ARHGAP18: variants seen among roughly 807,000 people sequenced by gnomAD.
The protein encoded by ARHGAP18 is rho GTPase-activating protein 18.
A neutral mutation model predicts 86.2 loss-of-function variants in ARHGAP18; 67 were observed. The ratio of observed to expected loss-of-function variants is 0.78; its 90% CI spans 0.64 to 0.95. The LOEUF (loss-of-function observed/expected upper bound fraction) is 0.95, where lower values mean the gene tolerates loss of function less well. Among genes scored for constraint, ARHGAP18 ranks in the 40% least tolerant of loss-of-function variants. The pLI is 0.00. For synonymous variants in ARHGAP18, 283 were observed against 280.4 expected (o/e 1.01, Z -0.09); for missense variants, 691 against 780.4 (o/e 0.89, Z 1.37).
chr6:129,633,948 T>C, intron 4 of ARHGAP18, 94 bp downstream of exon 4: 2 of 1,064,754 alleles, frequency 1.9e-6, no homozygotes, highest in Non-Finnish European at 2.7e-6. Flanking sequence ...AGAATTTGCT[T>C]ACTAGAATTG....
chr6:129,612,997 G>A (rs1224446292), intron 7 of ARHGAP18, among the ~76,000 whole-genome samples: 1 of 152,092 alleles, frequency 6.6e-6, no homozygotes, highest in African/African-American at 2.4e-5. Context: ...ACTTTGGGAG[G>A]GCGAGGCGGG....
intron 1 of ARHGAP18, among the ~76,000 whole-genome samples, chr6:129,681,185 C>T (rs1774319239): frequency 6.6e-6 from 1 of 152,224 alleles, no homozygotes; most frequent in Admixed American, 6.5e-5. Flanking sequence ...TCAAGTGATT[C>T]TCCTGCCTCA....
intron 1 of ARHGAP18, among the ~76,000 whole-genome samples, chr6:129,677,476 T>C (rs191561268): frequency 6.6e-6 from 1 of 152,348 alleles, no homozygotes; most frequent in Non-Finnish European, 1.5e-5. Context: ...CACTAACTTA[T>C]GGTTATGGGT....
intron 1 of ARHGAP18, among the ~76,000 whole-genome samples, chr6:129,651,335 A>C (rs1205409713): frequency 6.6e-6 from 1 of 152,230 alleles, no homozygotes; most frequent in Admixed American, 6.5e-5. Flanking sequence ...CTGTGGTTGC[A>C]TATGAGATTG....
Position 129,577,931 on chromosome 6 carries a change from T to A in ARHGAP18, c.*582A>T, listed in dbSNP as rs915355777. ...CTGAAAAAAAATGCAAATCACTTCC[T>A]GTGATACAGCAGGAAAAGGTGGAAT... On this transcript the variant is annotated 3_prime_UTR_variant, in exon 15 of 15. Transcript: ENST00000368149. The A allele has an allele frequency of 2.6e-5, 4 of 152,198 alleles. No individual in the cohort carries two copies. Among genetic ancestry groups the A allele is most frequent in the Non-Finnish European group, 4.4e-5 (3 of 68,028 alleles). 9.4% of individuals were successfully genotyped at this position (152,198 alleles called of 1,614,324 possible). A position where few individuals can be genotyped will look rare whatever the true frequency, so the allele number is the denominator to read the frequency against.
chr6:129,600,732 C>T lies in ARHGAP18; in HGVS notation c.1482G>A (p.Leu494=), dbSNP rs1788720575. Reference sequence around the variant, plus strand: ...CAAATTCTCGCTGTTCACTGGACTTCAATCCCAATGCATGACACATAAAGA... The same window carrying T: ...CAAATTCTCGCTGTTCACTGGACTTTAATCCCAATGCATGACACATAAAGA... ...PNLFMCHALG[L]KSSEQREFVM... is the part of the protein sequence containing the mutation. Residue 494 remains leucine, a synonymous_variant, in exon 11 of 15, where the codon TTG becomes TTA. Transcript: ENST00000368149. 1 of 1,613,648 alleles carries T rather than the reference C, an allele frequency of 6.2e-7. No homozygotes were observed. Among genetic ancestry groups the T allele is most frequent in the Non-Finnish European group, 8.5e-7 (1 of 1,179,818 alleles).
chr6:129,620,069 T>C (rs1474008751), intron 5 of ARHGAP18, among the ~76,000 whole-genome samples: 1 of 152,056 alleles, frequency 6.6e-6, no homozygotes, highest in African/African-American at 2.4e-5. Context: ...CTACTGCAGG[T>C]TGAGTACACC....
At chr6:129,706,619 G>C (rs9375657) in intron 1 of ARHGAP18, among the ~76,000 whole-genome samples, 19,116 of 152,176 alleles carry the variant, frequency 0.13, 1,511 homozygotes, top group African/African-American at 0.21. Flanking sequence ...GGGTGCAGTG[G>C]CTCATGCCTG....
intron 1 of ARHGAP18, among the ~76,000 whole-genome samples, chr6:129,673,960 TAC>T (rs1273617437): frequency 6.6e-6 from 1 of 151,978 alleles, no homozygotes; most frequent in Non-Finnish European, 1.5e-5. Context: ...GAGTAATACA[TAC>T]ACACACACAT....
At chr6:129,687,525 G>T (rs753482675) in intron 1 of ARHGAP18, among the ~76,000 whole-genome samples, 1 of 152,144 alleles carries the variant, frequency 6.6e-6, no homozygotes, top group South Asian at 2.1e-4. Flanking sequence ...TACTGAGGAC[G>T]CACCTTCATT....
At position 129,625,670 on chromosome 6, in the gene ARHGAP18, T is replaced by TTATATATTTA. The variant is rs1451320827; in HGVS notation, c.786+3682_786+3683insTAAATATATA. ...TATTTATATATTATATATATTTATATTATATTATATATATTTATATATTAT... is the reference window on the plus strand; with the variant it reads ...TATTTATATATTATATATATTTATATTATATATTTATATATTATATATATTTATATATTAT... On this transcript the variant is annotated intron_variant, in intron 5 of 14. Transcript: ENST00000368149. Among the ~76,000 whole-genome samples, 9 of 42,400 alleles carry TTATATATTTA rather than the reference T, an allele frequency of 2.1e-4. 1 individual carries two copies. The highest frequency in any genetic ancestry group is 4.4e-4 in the Admixed American group (1 of 2,258). The allele number at this position is 42,400 out of a possible 152,430, so 27.8% of individuals were successfully genotyped here. A position where few individuals can be genotyped will look rare whatever the true frequency, so the allele number is the denominator to read the frequency against.
chr6:129,650,706 T>A (rs1410994637), intron 1 of ARHGAP18, among the ~76,000 whole-genome samples: 2 of 152,232 alleles, frequency 1.3e-5, no homozygotes, highest in Non-Finnish European at 2.9e-5. Flanking sequence ...ATGACTTGCA[T>A]CCACCTGATA....
At chr6:129,655,645 C>T (rs183773213) in intron 1 of ARHGAP18, among the ~76,000 whole-genome samples, 37 of 147,234 alleles carry the variant, frequency 2.5e-4, no homozygotes, top group Non-Finnish European at 3.9e-4. Context: ...GTTAAAGGCT[C>T]TTACCTCATG....
intron 12 of ARHGAP18, 139 bp from the exon 13 acceptor site, chr6:129,584,251 A>AT: frequency 8.4e-7 from 1 of 1,197,172 alleles, no homozygotes. Context: ...GTATAATGTA[A>AT]TTTGCAAAAT....
chr6:129,661,561 C>T (rs996279773), intron 1 of ARHGAP18, among the ~76,000 whole-genome samples: 19 of 150,296 alleles, frequency 1.3e-4, no homozygotes, highest in African/African-American at 4.6e-4. Flanking sequence ...ATCAGAAGGC[C>T]TGGATTCTTG....
At chr6:129,683,133 G>C (rs527258580) in intron 1 of ARHGAP18, among the ~76,000 whole-genome samples, 1 of 150,664 alleles carries the variant, frequency 6.6e-6, no homozygotes, top group African/African-American at 2.4e-5. Context: ...CTGCAGTGGC[G>C]TGATCTCGGC....
At chr6:129,690,911 A>G (rs868320637) in intron 1 of ARHGAP18, among the ~76,000 whole-genome samples, 4 of 152,170 alleles carry the variant, frequency 2.6e-5, no homozygotes, top group Non-Finnish European at 5.9e-5. Context: ...TTTCAATGCT[A>G]TCATTACTTA....
rs1296667565 is a variant in ARHGAP18, at chr6:129,600,909, T to C, written c.1366-61A>G. The C allele has an allele frequency of 7.2e-6, 10 of 1,389,612 alleles. No homozygotes were observed. In the Admixed American group the frequency reaches 2.0e-4, roughly 28 times the overall value. The allele number at this position is 1,389,612 out of a possible 1,614,324, so 86.1% of individuals were successfully genotyped here. On this transcript the variant is annotated intron_variant, in intron 10 of 14. Transcript: ENST00000368149. ...ATATGAAGATAAAAGATTAAAGCAC[T>C]GTAGCATATGCAATTTTTATTTCAT...
intron 7 of ARHGAP18, among the ~76,000 whole-genome samples, chr6:129,614,613 G>A (rs1217724453): frequency 6.6e-6 from 1 of 152,146 alleles, no homozygotes; most frequent in African/African-American, 2.4e-5. Flanking sequence ...CGGATCACGT[G>A]GCATCACTGA....
Sources: allele counts gnomAD v4.1 joint callset (sites outside exome capture counted in the v4.1 genomes callset), GRCh38; gene constraint gnomAD v4.1.1; transcripts MANE v1.5; gene names NCBI Gene and HGNC (gene_info 2026-07-23, HGNC 2026-07-21).